The following PRKCB variants were observed in gnomAD, a reference collection of about 807,000 sequenced individuals.
The protein encoded by PRKCB is protein kinase C beta.
In PRKCB, 13 loss-of-function variants were observed where a neutral mutation model predicts 81.5. That is an observed-to-expected ratio of 0.16 (90% CI 0.10 to 0.25). The LOEUF is 0.25. PRKCB is among the 10% of genes least tolerant of loss of function. The pLI, the probability that PRKCB is intolerant of heterozygous loss-of-function variation, is 1.00. For missense variants in PRKCB, 509 were observed against 875.7 expected, an observed-to-expected ratio of 0.58 and a Z score of 5.29; for synonymous variants, 335 against 321.4, an observed-to-expected ratio of 1.04 and a Z score of -0.45.
Position 23,950,140 on chromosome 16 carries a change from T to G in PRKCB, c.206-38368T>G, listed in dbSNP as rs1452607758. Among the ~76,000 whole-genome samples, 102 of 143,494 alleles carry G rather than the reference T, an allele frequency of 7.1e-4. 2 individuals carry two copies. Among genetic ancestry groups the G allele is most frequent in the African/African-American group, 2.3e-3 (88 of 38,862 alleles). The allele number at this position is 143,494 out of a possible 152,430, so 94.1% of individuals were successfully genotyped here. ...TGGCCCCTATGATTTGAATTTTTTTTTTTTTTTTTTTTTTTTTTCTGTTGA... is the reference window on the plus strand; with the variant it reads ...TGGCCCCTATGATTTGAATTTTTTTGTTTTTTTTTTTTTTTTTTCTGTTGA... On this transcript the variant is annotated intron_variant, in intron 2 of 16. Transcript: ENST00000643927.
intron 16 of PRKCB, among the ~76,000 whole-genome samples, chr16:24,202,815 A>T (rs1009105822): frequency 6.6e-6 from 1 of 152,208 alleles, no homozygotes; most frequent in East Asian, 1.9e-4. Flanking sequence ...AAGTGAGTTT[A>T]TCTGTAGGAA....
At chr16:23,948,668 A>C (rs1964236071) in intron 2 of PRKCB, among the ~76,000 whole-genome samples, 1 of 152,156 alleles carries the variant, frequency 6.6e-6, no homozygotes, top group African/African-American at 2.4e-5. Context: ...TGGCCTCCCA[A>C]AGTGCTGGGA....
chr16:23,888,479 G>A (rs1324601705), intron 2 of PRKCB, among the ~76,000 whole-genome samples: 2 of 152,174 alleles, frequency 1.3e-5, no homozygotes, highest in Admixed American at 1.3e-4. Flanking sequence ...CTGCCTTTCT[G>A]TGATCTCTTC....
At chr16:23,876,730 T>TAAC (rs61313831) in intron 2 of PRKCB, among the ~76,000 whole-genome samples, 3 of 7,818 alleles carry the variant, frequency 3.8e-4, no homozygotes, top group African/African-American at 1.1e-3. Flanking sequence ...AGAGTTGAAC[T>TAAC]AATTTAAGGA....
At chr16:24,104,326 A>G (rs1043743292) in intron 7 of PRKCB, among the ~76,000 whole-genome samples, 1 of 152,200 alleles carries the variant, frequency 6.6e-6, no homozygotes. Context: ...CGTTTTCTCT[A>G]TAATTTTACT....
chr16:23,849,233 C>T (rs1175939448), intron 2 of PRKCB, among the ~76,000 whole-genome samples: 3 of 152,220 alleles, frequency 2.0e-5, no homozygotes, highest in Admixed American at 6.5e-5. Flanking sequence ...AGATTTGTGA[C>T]CATTTCACCC....
At chr16:24,103,743 G>C (rs938532770) in intron 7 of PRKCB, among the ~76,000 whole-genome samples, 5 of 152,044 alleles carry the variant, frequency 3.3e-5, no homozygotes, top group Non-Finnish European at 7.4e-5. Flanking sequence ...AGTGTCTGTT[G>C]TTGTCATCTT....
chr16:24,113,134 C>T, intron 8 of PRKCB, 65 bp downstream of exon 8: 1 of 1,209,454 alleles, frequency 8.3e-7, no homozygotes. Flanking sequence ...TTTCCTCCTG[C>T]TCCCTCCTCT....
chr16:24,154,891 C>A lies in PRKCB; in HGVS notation c.1239+34C>A, dbSNP rs1313311772. The A allele has an allele frequency of 7.5e-6, 12 of 1,599,054 alleles. No homozygotes were observed. In the South Asian group the frequency reaches 1.3e-4, roughly 18 times the overall value. The stretch of plus-strand genomic sequence containing the variant: ...TCCCATGGCCCTGGGTATTCCACCT[C>A]CAGGGCTTCACCAGGCTTTGGCCAA... On this transcript the variant is annotated intron_variant, in intron 10 of 16. Coordinates refer to ENST00000643927, the MANE Select transcript of PRKCB (RefSeq NM_002738.7).
At chr16:23,882,021 T>TCTCTTTCTTTCTTTCTTTCTCTTTCTTTC (rs1555481693) in intron 2 of PRKCB, among the ~76,000 whole-genome samples, 1 of 55,588 alleles carries the variant, frequency 1.8e-5, no homozygotes, top group African/African-American at 5.9e-5. Flanking sequence ...TTTCTTTCTT[T>TCTCTTTCTTTCTTTCTTTCTCTTTCTTTC]CTTCCTTCCT....
At chr16:24,044,183 C>T (rs8061875) in intron 5 of PRKCB, among the ~76,000 whole-genome samples, 27,429 of 151,794 alleles carry the variant, frequency 0.18, 2,869 homozygotes, top group African/African-American at 0.28. Flanking sequence ...GGTGAAACCC[C>T]GTCTCTACTA....
intron 3 of PRKCB, among the ~76,000 whole-genome samples, chr16:23,990,512 A>G (rs1236486685): frequency 2.0e-5 from 3 of 150,018 alleles, no homozygotes; most frequent in African/African-American, 7.4e-5. Flanking sequence ...TTTTTTAAGC[A>G]AAGTCTTACT....
chr16:23,886,420 T>G (rs1231952718), intron 2 of PRKCB, among the ~76,000 whole-genome samples: 10 of 143,054 alleles, frequency 7.0e-5, no homozygotes, highest in South Asian at 2.3e-4. Context: ...TTTTTTTTTT[T>G]TTTTTTTTTT....
intron 2 of PRKCB, among the ~76,000 whole-genome samples, chr16:23,907,174 C>T (rs1028665266): frequency 2.6e-5 from 4 of 152,196 alleles, no homozygotes; most frequent in Non-Finnish European, 4.4e-5. Flanking sequence ...ATTAACTTCA[C>T]CCTGATTTGT....
At chr16:24,001,160 A>G (rs1421188989) in intron 3 of PRKCB, among the ~76,000 whole-genome samples, 5 of 152,226 alleles carry the variant, frequency 3.3e-5, no homozygotes, top group Non-Finnish European at 5.9e-5. Context: ...GCCAAGAAAT[A>G]ATAGCTAATA....
intron 9 of PRKCB, among the ~76,000 whole-genome samples, chr16:24,137,966 T>C (rs1966870826): frequency 6.6e-6 from 1 of 152,230 alleles, no homozygotes; most frequent in Non-Finnish European, 1.5e-5. Flanking sequence ...TTTGGAGCAC[T>C]GGGAACTCAT....
At chr16:24,027,031 G>A (rs1965490917) in intron 3 of PRKCB, among the ~76,000 whole-genome samples, 1 of 152,116 alleles carries the variant, frequency 6.6e-6, no homozygotes, top group South Asian at 2.1e-4. Context: ...TTAAGTTCTG[G>A]GGTACACGTG....
intron 2 of PRKCB, among the ~76,000 whole-genome samples, chr16:23,984,618 T>A (rs1964777790): frequency 6.6e-6 from 1 of 151,410 alleles, no homozygotes; most frequent in Non-Finnish European, 1.5e-5. Flanking sequence ...GGAAAAAAAA[T>A]AACGAGAGAC....
chr16:24,011,375 G>A (rs1019986588), intron 3 of PRKCB, among the ~76,000 whole-genome samples: 1 of 152,184 alleles, frequency 6.6e-6, no homozygotes, highest in African/African-American at 2.4e-5. Context: ...TTGTGGATGA[G>A]AGCAGAGTGA....
Sources: gnomAD v4.1 joint callset for allele counts (sites outside exome capture counted in the v4.1 genomes callset) on GRCh38, gnomAD v4.1.1 for gene constraint, MANE v1.5 for transcripts, NCBI Gene and HGNC (gene_info 2026-07-23, HGNC 2026-07-21) for gene names.